Variants in SRBD1 observed in about 807,000 individuals in gnomAD.
SRBD1 encodes S1 RNA-binding domain-containing protein 1.
SRBD1 carries 88 observed loss-of-function variants against 115.3 expected under a neutral mutation model. That is an observed-to-expected ratio of 0.76 (90% CI 0.64 to 0.91). The LOEUF is 0.91. Ranked by LOEUF, SRBD1 falls within the 40% of genes least tolerant of loss-of-function variation. The pLI, the probability that SRBD1 is intolerant of heterozygous loss-of-function variation, is 0.00. For synonymous variants in SRBD1, 509 were observed against 407.7 expected (o/e 1.25, Z -2.99); for missense variants, 1,385 against 1,177.4 (o/e 1.18, Z -2.58).
intron 16 of SRBD1, among the ~76,000 whole-genome samples, chr2:45,432,123 AG>A (rs1668359425): frequency 6.6e-6 from 1 of 151,828 alleles, no homozygotes; most frequent in Non-Finnish European, 1.5e-5. Context: ...TCCGCCTCCC[AG>A]GTTCAAGTGG....
intron 19 of SRBD1, among the ~76,000 whole-genome samples, chr2:45,410,844 C>A (rs567710273): frequency 2.1e-4 from 32 of 152,308 alleles, no homozygotes; most frequent in African/African-American, 7.5e-4. Context: ...CCTGGAGGTT[C>A]CTAGAGGGTA....
chr2:45,545,283 TAAAAAAAAAA>T (rs56909656), intron 14 of SRBD1, among the ~76,000 whole-genome samples: 4,086 of 68,614 alleles, frequency 0.06, 365 homozygotes, highest in African/African-American at 0.26. Flanking sequence ...CTGTCTCAAT[TAAAAAAAAAA>T]AAAAAAAAAA....
In SRBD1 at chr2:45,480,227, T is replaced by A. The variant is rs192592176; in HGVS notation, c.1967-3152A>T. Among the ~76,000 whole-genome samples, 5 of 152,312 alleles carry A rather than the reference T, an allele frequency of 3.3e-5. No individual in the cohort carries two copies. The East Asian group carries it at 9.6e-4, about 29-fold the overall frequency. ...CTGCATACCATGTATCAAGGAGTAA[T>A]TTTGACTTTCAAGTCTTATTTTTTA... On this transcript the variant is annotated intron_variant, in intron 15 of 20. Transcript: ENST00000263736.
At chr2:45,552,375 A>C (rs1018247794) in intron 11 of SRBD1, among the ~76,000 whole-genome samples, 5 of 152,248 alleles carry the variant, frequency 3.3e-5, no homozygotes, top group South Asian at 2.1e-4. Flanking sequence ...AAGAGAAAGT[A>C]CTCTTGCTTA....
intron 14 of SRBD1, among the ~76,000 whole-genome samples, chr2:45,521,045 G>A (rs553452678): frequency 1.3e-5 from 2 of 152,192 alleles, no homozygotes; most frequent in South Asian, 2.1e-4. Flanking sequence ...ATGTCCACTT[G>A]GGCTCCTGCA....
At chr2:45,588,426 C>T (rs1001633753) in intron 4 of SRBD1, among the ~76,000 whole-genome samples, 4 of 152,142 alleles carry the variant, frequency 2.6e-5, no homozygotes, top group African/African-American at 9.7e-5. Flanking sequence ...TGTTATCTTC[C>T]CTGACCCTCA....
chr2:45,602,621 G>T (rs1288739700), intron 2 of SRBD1, among the ~76,000 whole-genome samples: 1 of 152,082 alleles, frequency 6.6e-6, no homozygotes, highest in African/African-American at 2.4e-5. Context: ...TCACAGAATG[G>T]ATTTCTTTCC....
At chr2:45,501,164 T>C (rs1670619413) in intron 14 of SRBD1, among the ~76,000 whole-genome samples, 1 of 152,232 alleles carries the variant, frequency 6.6e-6, no homozygotes, top group Non-Finnish European at 1.5e-5. Flanking sequence ...CTTGATTCTG[T>C]TGATGTGATG....
chr2:45,440,530 C>T lies in SRBD1; in HGVS notation c.2050-20636G>A, dbSNP rs576235159. Among the ~76,000 whole-genome samples, 4 of 152,292 alleles carry T rather than the reference C, an allele frequency of 2.6e-5. No homozygotes were observed. In the South Asian group the frequency reaches 8.3e-4, roughly 32 times the overall value. Reference sequence around the variant, plus strand: ...ACCTATCTGCCCCCATGTGTGGTCACTGGGCTAAAACATAGTTCTGGCTCA... The same window carrying T: ...ACCTATCTGCCCCCATGTGTGGTCATTGGGCTAAAACATAGTTCTGGCTCA... On this transcript the variant is annotated intron_variant, in intron 16 of 20. Coordinates refer to ENST00000263736, the MANE Select transcript of SRBD1 (RefSeq NM_018079.5).
intron 14 of SRBD1, among the ~76,000 whole-genome samples, chr2:45,525,610 G>T (rs944385281): frequency 2.0e-5 from 3 of 151,868 alleles, no homozygotes; most frequent in Non-Finnish European, 2.9e-5. Flanking sequence ...AAAAATATGT[G>T]GGGTAATGCA....
At chr2:45,493,865 C>A (rs932626640) in intron 14 of SRBD1, among the ~76,000 whole-genome samples, 1 of 151,250 alleles carries the variant, frequency 6.6e-6, no homozygotes, top group South Asian at 2.1e-4. Context: ...AGAGGACATA[C>A]GGAAACAAGC....
At chr2:45,445,550 T>TAAAAAAAAAAAAAAAAAAAAAAAAAAA (rs59451865) in intron 16 of SRBD1, among the ~76,000 whole-genome samples, 1 of 37,026 alleles carries the variant, frequency 2.7e-5, no homozygotes, top group Non-Finnish European at 6.2e-5. Context: ...TTCCCAGAGG[T>TAAAAAAAAAAAAAAAAAAAAAAAAAAA]AAAAAAAAAA....
chr2:45,404,028 G>T (rs755144351), intron 19 of SRBD1, among the ~76,000 whole-genome samples: 57 of 152,078 alleles, frequency 3.7e-4, no homozygotes, highest in Admixed American at 8.5e-4. Context: ...AAAGTAGGAA[G>T]GATATAACTT....
Position 45,601,943 on chromosome 2 carries a change from A to C in SRBD1, c.221T>G (p.Ile74Ser). 6.2e-7 allele frequency: 1 copy of C among 1,614,098 alleles called. No individual in the cohort carries two copies. Among genetic ancestry groups the C allele is most frequent in the Non-Finnish European group, 8.5e-7 (1 of 1,180,014 alleles). ...MPRVKKNAPQ[I>S]SDGSEVVVVK... ...AACAACGACTTCTGAGCCATCACTG[A>C]TCTGTGGGGCATTCTTCTTCACCCG... The change falls in exon 3 of 21, where the codon ATC becomes AGC. Residue 74 changes from isoleucine to serine, a missense_variant. Ile to Ser is a moderately radical substitution (Grantham distance 142, BLOSUM62 -2). Transcript: ENST00000263736.
intron 14 of SRBD1, among the ~76,000 whole-genome samples, chr2:45,511,210 C>G (rs531911215): frequency 2.2e-4 from 34 of 152,280 alleles, no homozygotes; most frequent in African/African-American, 7.2e-4. Context: ...AAATAAAATC[C>G]TCTAAGAAAA....
chr2:45,441,582 T>C (rs757089307), intron 16 of SRBD1, among the ~76,000 whole-genome samples: 1 of 152,200 alleles, frequency 6.6e-6, no homozygotes, highest in Non-Finnish European at 1.5e-5. Flanking sequence ...CTTAACACCA[T>C]GCTTCTTAGT....
In SRBD1 at chr2:45,528,507, T is replaced by A. The variant is rs531652346; in HGVS notation, c.1874+18225A>T. 7.9e-5 allele frequency among the ~76,000 whole-genome samples: 12 copies of A among 151,778 alleles called. No homozygotes were observed. In the East Asian group the frequency reaches 1.5e-3, roughly 20 times the overall value. ...CTTATAAAAGAATTTAAAAAACACATAAAAAATAGGTTTGGGAGCCAAAGC... is the reference window on the plus strand; with the variant it reads ...CTTATAAAAGAATTTAAAAAACACAAAAAAAATAGGTTTGGGAGCCAAAGC... On this transcript the variant is annotated intron_variant, in intron 14 of 20. Coordinates refer to ENST00000263736, the MANE Select transcript of SRBD1 (RefSeq NM_018079.5).
At chr2:45,507,132 A>C (rs1162604519) in intron 14 of SRBD1, among the ~76,000 whole-genome samples, 1 of 152,198 alleles carries the variant, frequency 6.6e-6, no homozygotes, top group African/African-American at 2.4e-5. Context: ...TAAGATCATG[A>C]AAATGGTAAA....
chr2:45,399,761 A>G (rs1308535835), intron 19 of SRBD1, among the ~76,000 whole-genome samples: 1 of 152,152 alleles, frequency 6.6e-6, no homozygotes. Context: ...GAATTTCTGA[A>G]TAAGAGTTGG....
Sources: gnomAD v4.1 joint callset for allele counts (sites outside exome capture counted in the v4.1 genomes callset) on GRCh38, gnomAD v4.1.1 for gene constraint, MANE v1.5 for transcripts, NCBI Gene and HGNC (gene_info 2026-07-23, HGNC 2026-07-21) for gene names.